The following SYN3 variants were observed in gnomAD, a reference collection of about 807,000 sequenced individuals.
The protein encoded by SYN3 is synapsin-3.
A neutral mutation model predicts 65.8 loss-of-function variants in SYN3; 35 were observed. The ratio of observed to expected loss-of-function variants is 0.53; its 90% CI spans 0.41 to 0.70. The LOEUF is 0.70. SYN3 is among the 30% of genes least tolerant of loss of function. The probability of loss-of-function intolerance (pLI) is 0.00; values close to 1 mark genes in which losing one functional copy is unlikely to be tolerated. For missense variants in SYN3, 680 were observed against 749.0 expected, an observed-to-expected ratio of 0.91 and a Z score of 1.08; for synonymous variants, 270 against 292.9, an observed-to-expected ratio of 0.92 and a Z score of 0.80.
intron 1 of SYN3, among the ~76,000 whole-genome samples, chr22:33,019,092 C>T (rs1041656787): frequency 6.6e-5 from 10 of 152,190 alleles, no homozygotes; most frequent in African/African-American, 2.4e-4. Context: ...AGAGAGCTTT[C>T]CAAACTACAA....
Position 33,006,581 on chromosome 22 carries a change from G to A in SYN3, c.82C>T (p.Pro28Ser). The change falls in exon 2 of 14, where the codon CCA (proline) becomes TCA (serine). Residue 28 changes from proline (P) to serine (S), a missense_variant. Physicochemically the swap from Pro to Ser is moderately conservative, Grantham distance 74 (BLOSUM62 -1). Transcript: ENST00000358763. ...GCAGGTGAGCTGGTGGAGCTATCTGGGCGTTGCAGGTCCGTCATATAGCCA... is the reference window on the plus strand; with the variant it reads ...GCAGGTGAGCTGGTGGAGCTATCTGAGCGTTGCAGGTCCGTCATATAGCCA... The part of the protein sequence containing the change: ...PNGYMTDLQR[P>S]DSSTSSPASP... The A allele has an allele frequency of 6.2e-7, 1 of 1,614,070 alleles. No individual in the cohort carries two copies. The highest frequency in any genetic ancestry group is 8.5e-7 in the Non-Finnish European group (1 of 1,179,992).
At chr22:32,886,287 C>T (rs1251028265) in intron 4 of SYN3, among the ~76,000 whole-genome samples, 1 of 152,140 alleles carries the variant, frequency 6.6e-6, no homozygotes, top group Non-Finnish European at 1.5e-5. Flanking sequence ...GTCACTTCTG[C>T]GAGGTCGTGA....
intron 6 of SYN3, among the ~76,000 whole-genome samples, chr22:32,658,741 C>T (rs1039757053): frequency 4.6e-5 from 7 of 152,074 alleles, no homozygotes; most frequent in African/African-American, 1.7e-4. Flanking sequence ...ACTTCCCCTA[C>T]TGCTAAAAAA....
At position 32,508,415 on chromosome 22, in the gene SYN3, C is replaced by T. The variant is rs949266700; in HGVS notation, c.*5277G>A. Among the ~76,000 whole-genome samples the T allele has an allele frequency of 6.6e-6, 1 of 152,152 alleles. No individual in the cohort carries two copies. Among genetic ancestry groups the T allele is most frequent in the Admixed American group, 6.5e-5 (1 of 15,270 alleles). On this transcript the variant is annotated 3_prime_UTR_variant, in exon 14 of 14. Coordinates refer to ENST00000358763, the MANE Select transcript of SYN3 (RefSeq NM_003490.4). The stretch of plus-strand genomic sequence containing the variant: ...TCCCTTTGCTGACTCTCTTTTCGGA[C>T]TCATCCGGCCTGCACCCAGGTGAAA...
chr22:32,544,684 C>T (rs1215874267), intron 7 of SYN3, among the ~76,000 whole-genome samples: 1 of 152,206 alleles, frequency 6.6e-6, no homozygotes, highest in Non-Finnish European at 1.5e-5. Context: ...TTCCAATGCC[C>T]CTTTGATTAT....
chr22:32,889,318 TC>T lies in SYN3; in HGVS notation c.462-20194del, dbSNP rs577363384. ...AGCTCCATTCCTGGGTTCTAAACAC[TC>T]TTGCTTCAGGGGGGCTTTGGAAGGG... is the stretch of plus-strand genomic sequence containing the variant. On this transcript the variant is annotated intron_variant, in intron 4 of 13. Transcript: ENST00000358763. Among the ~76,000 whole-genome samples, 801 of 152,132 alleles carry T rather than the reference TC, an allele frequency of 5.3e-3. 4 individuals are homozygous for T. The highest frequency in any genetic ancestry group is 8.9e-3 in the Non-Finnish European group (607 of 67,998).
intron 4 of SYN3, among the ~76,000 whole-genome samples, chr22:32,886,288 G>C (rs944417174): frequency 6.6e-6 from 1 of 152,148 alleles, no homozygotes; most frequent in Admixed American, 6.5e-5. Context: ...TCACTTCTGC[G>C]AGGTCGTGAG....
intron 6 of SYN3, among the ~76,000 whole-genome samples, chr22:32,600,579 G>C (rs2059267410): frequency 6.6e-6 from 1 of 152,194 alleles, no homozygotes; most frequent in South Asian, 2.1e-4. Context: ...TTCCCCCAAG[G>C]GTGAATGGTG....
At chr22:32,720,951 A>G (rs1436360266) in intron 6 of SYN3, among the ~76,000 whole-genome samples, 1 of 152,126 alleles carries the variant, frequency 6.6e-6, no homozygotes, top group Admixed American at 6.5e-5. Context: ...CTGTGGCCCC[A>G]GAGAAAGGGG....
intron 1 of SYN3, among the ~76,000 whole-genome samples, chr22:33,055,313 C>T (rs2054237177): frequency 6.6e-6 from 1 of 152,216 alleles, no homozygotes; most frequent in Non-Finnish European, 1.5e-5. Flanking sequence ...TCATCTCGGG[C>T]CACTCCACAC....
intron 1 of SYN3, among the ~76,000 whole-genome samples, chr22:33,011,590 A>G (rs2053352732): frequency 6.6e-6 from 1 of 152,150 alleles, no homozygotes. Context: ...TAACCTCACA[A>G]AATAGGTTGG....
At position 32,794,919 on chromosome 22, in the gene SYN3, A is replaced by T. The variant is rs527304413; in HGVS notation, c.711+69996T>A. 2.3e-4 allele frequency among the ~76,000 whole-genome samples: 35 copies of T among 152,314 alleles called. 1 individual carries two copies. In the South Asian group the frequency reaches 3.3e-3, roughly 14 times the overall value. ...GATTCCAGGCCAAGAGTGCATTGTGAACAAGGCTCAGAGAAACCGATAGCT... is the reference window on the plus strand; with the variant it reads ...GATTCCAGGCCAAGAGTGCATTGTGTACAAGGCTCAGAGAAACCGATAGCT... On this transcript the variant is annotated intron_variant, in intron 6 of 13. Transcript: ENST00000358763.
intron 6 of SYN3, among the ~76,000 whole-genome samples, chr22:32,749,686 G>T (rs1210646541): frequency 6.6e-6 from 1 of 152,094 alleles, no homozygotes; most frequent in Non-Finnish European, 1.5e-5. Context: ...ATTTTGTAGG[G>T]GGGACACAAA....
At chr22:32,887,754 T>C (rs941741242) in intron 4 of SYN3, among the ~76,000 whole-genome samples, 1 of 152,238 alleles carries the variant, frequency 6.6e-6, no homozygotes, top group African/African-American at 2.4e-5. Context: ...TGTTCACGAG[T>C]TGACAGGCAT....
intron 7 of SYN3, among the ~76,000 whole-genome samples, chr22:32,587,730 G>T (rs986262904): frequency 6.6e-6 from 1 of 152,186 alleles, no homozygotes; most frequent in South Asian, 2.1e-4. Context: ...CTAAGCCAGC[G>T]TGTGCAAGAT....
chr22:32,720,232 T>G (rs1334849319), intron 6 of SYN3, among the ~76,000 whole-genome samples: 3 of 152,208 alleles, frequency 2.0e-5, no homozygotes, highest in Non-Finnish European at 4.4e-5. Flanking sequence ...ATTGTTTGAG[T>G]GTGAGTCCAA....
At chr22:32,981,755 C>T (rs947387519) in intron 2 of SYN3, among the ~76,000 whole-genome samples, 1 of 151,882 alleles carries the variant, frequency 6.6e-6, no homozygotes, top group Non-Finnish European at 1.5e-5. Flanking sequence ...CAATACGTAC[C>T]CCATAAATAT....
chr22:33,001,984 T>A (rs1406501858), intron 2 of SYN3, among the ~76,000 whole-genome samples: 1 of 152,064 alleles, frequency 6.6e-6, no homozygotes, highest in African/African-American at 2.4e-5. Flanking sequence ...AGGTCAAATG[T>A]TGGGATGAAG....
intron 6 of SYN3, among the ~76,000 whole-genome samples, chr22:32,663,338 G>A (rs1328515605): frequency 5.2e-4 from 75 of 143,116 alleles, no homozygotes; most frequent in Admixed American, 3.8e-3. Flanking sequence ...TCACTCTGTC[G>A]CCCAGGCTGG....
Sources: gnomAD v4.1 joint callset for allele counts (sites outside exome capture counted in the v4.1 genomes callset) on GRCh38, gnomAD v4.1.1 for gene constraint, MANE v1.5 for transcripts, NCBI Gene and HGNC (gene_info 2026-07-23, HGNC 2026-07-21) for gene names.